The following IRAK4 variants were observed in gnomAD, a reference collection of about 807,000 sequenced individuals.
The protein encoded by IRAK4 is interleukin-1 receptor-associated kinase 4.
In IRAK4, 44 loss-of-function variants were observed where a neutral mutation model predicts 51.8. The observed-to-expected ratio is 0.85, with a 90% CI of 0.67 to 1.09. The LOEUF is 1.09. Ranked by LOEUF, IRAK4 falls within the 50% of genes least tolerant of loss-of-function variation. The pLI is 0.00. For synonymous variants in IRAK4, 149 were observed against 174.1 expected, an observed-to-expected ratio of 0.86 and a Z score of 1.13; for missense variants, 487 against 538.0, an observed-to-expected ratio of 0.91 and a Z score of 0.94.
Position 43,777,617 on chromosome 12 carries a change from T to C in IRAK4, c.717-13T>C. Reference sequence around the variant, plus strand: ...TATTATAATAATTTTGCATGAAAAATTATTTGTCACAGGTGTCAACATGAA... The same window carrying C: ...TATTATAATAATTTTGCATGAAAAACTATTTGTCACAGGTGTCAACATGAA... On this transcript the variant is annotated splice_polypyrimidine_tract_variant and intron_variant, in intron 6 of 11. Transcript: ENST00000613694. The C allele has an allele frequency of 6.3e-7, 1 of 1,593,390 alleles. No homozygotes were observed. The highest frequency in any genetic ancestry group is 8.6e-7 in the Non-Finnish European group (1 of 1,169,090).
chr12:43,762,155 CT>C (rs1384582657), intron 1 of IRAK4, among the ~76,000 whole-genome samples: 1 of 152,060 alleles, frequency 6.6e-6, no homozygotes, highest in Non-Finnish European at 1.5e-5. Flanking sequence ...GGCTTATGTT[CT>C]TGTAAGTATG....
intron 2 of IRAK4, among the ~76,000 whole-genome samples, chr12:43,768,884 T>A (rs1169286212): frequency 1.3e-5 from 2 of 152,246 alleles, no homozygotes; most frequent in Non-Finnish European, 2.9e-5. Context: ...TTAAAACCTA[T>A]GTCAAAATGT....
Position 43,778,278 on chromosome 12 carries a change from A to G in IRAK4, c.917A>G (p.His306Arg), listed in dbSNP as rs778846957. The change falls in exon 8 of 12, where the codon CAT (histidine) becomes CGT (arginine). Residue 306 changes from histidine (H) to arginine (R), a missense_variant. Coordinates refer to ENST00000613694, the MANE Select transcript of IRAK4 (RefSeq NM_016123.4). ...ANGINFLHEN[H>R]HIHRDIKSAN... is the part of the protein sequence containing the mutation. ...GGCATCAATTTTCTACATGAAAATC[A>G]TCATATTCATAGAGATATTAAAAGG... The G allele has an allele frequency of 6.3e-7, 1 of 1,592,088 alleles. No individual in the cohort carries two copies. The highest frequency in any genetic ancestry group is 1.3e-5 in the African/African-American group (1 of 74,566).
chr12:43,786,583 A>G, intron 11 of IRAK4, 26 bp downstream of exon 11: 1 of 1,610,996 alleles, frequency 6.2e-7, no homozygotes, highest in Non-Finnish European at 8.5e-7. Flanking sequence ...ACTTATTTAA[A>G]AAGTGAAAGG....
intron 1 of IRAK4, among the ~76,000 whole-genome samples, chr12:43,765,550 A>G (rs985719525): frequency 1.3e-5 from 2 of 151,862 alleles, no homozygotes; most frequent in Admixed American, 1.3e-4. Flanking sequence ...AAACTGTCTT[A>G]TTCTTCTCAG....
At chr12:43,775,205 AC>A (rs745906990) in intron 6 of IRAK4, among the ~76,000 whole-genome samples, 2 of 152,104 alleles carry the variant, frequency 1.3e-5, no homozygotes, top group African/African-American at 2.4e-5. Context: ...AAAAGATCAA[AC>A]TTTTTTTTTC....
At position 43,786,752 on chromosome 12, in the gene IRAK4, AC is replaced by A. The variant is rs1942248030; in HGVS notation, c.*39del. The A allele has an allele frequency of 6.6e-7, 1 of 1,521,926 alleles. No homozygotes were observed. The highest frequency in any genetic ancestry group is 1.4e-5 in the African/African-American group (1 of 72,748). The allele number at this position is 1,521,926 out of a possible 1,614,324, so 94.3% of individuals were successfully genotyped here. ...AAAAGACTCTTGACTTTTTATATAC[AC>A]CTATCTCAACCATTTTTTTAACTGA... On this transcript the variant is annotated 3_prime_UTR_variant, in exon 12 of 12. Coordinates refer to ENST00000613694, the MANE Select transcript of IRAK4 (RefSeq NM_016123.4).
At chr12:43,763,934 A>G (rs1013246037) in intron 1 of IRAK4, among the ~76,000 whole-genome samples, 1 of 151,960 alleles carries the variant, frequency 6.6e-6, no homozygotes, top group East Asian at 1.9e-4. Context: ...GTATGCTACC[A>G]TCCTGGTTTT....
chr12:43,783,776 T>G, intron 10 of IRAK4, 52 bp downstream of exon 10: 1 of 1,179,208 alleles, frequency 8.5e-7, no homozygotes, highest in Non-Finnish European at 1.3e-6. Context: ...TTTTGTAGTC[T>G]AAATTTATAT....
chr12:43,771,439 T>TA (rs1190386746), intron 3 of IRAK4, 74 bp downstream of exon 3: 2 of 1,474,286 alleles, frequency 1.4e-6, no homozygotes, highest in Admixed American at 1.7e-5. Context: ...TGTTTCTTCT[T>TA]ACTCTTCCTT....
At chr12:43,770,804 C>A (rs1940672105) in intron 2 of IRAK4, among the ~76,000 whole-genome samples, 1 of 152,024 alleles carries the variant, frequency 6.6e-6, no homozygotes. Flanking sequence ...AACTTAATAC[C>A]CATTGCAACA....
chr12:43,776,107 G>T (rs1051324523), intron 6 of IRAK4, among the ~76,000 whole-genome samples: 2 of 151,902 alleles, frequency 1.3e-5, no homozygotes, highest in Non-Finnish European at 2.9e-5. Context: ...GGATGGTTTA[G>T]ATCTGACGTC....
chr12:43,774,580 A>T (rs1257038038), intron 6 of IRAK4, among the ~76,000 whole-genome samples: 1 of 152,198 alleles, frequency 6.6e-6, no homozygotes, highest in Non-Finnish European at 1.5e-5. Context: ...GTTACGTGAA[A>T]TTTCACTATC....
chr12:43,773,900 G>T, intron 5 of IRAK4, 65 bp from the exon 6 acceptor site: 1 of 1,002,310 alleles, frequency 1.0e-6, no homozygotes, highest in South Asian at 1.3e-5. Context: ...CTGATCTCTT[G>T]ATCCCTCTGA....
rs1462616952 is a variant in IRAK4, at chr12:43,768,400, G to A, written c.161+128G>A. The A allele has an allele frequency of 4.5e-6, 3 of 661,884 alleles. No homozygotes were observed. In the African/African-American group the frequency reaches 5.5e-5, roughly 12 times the overall value. The allele number at this position is 661,884 out of a possible 1,614,324, so 41.0% of individuals were successfully genotyped here. A position where few individuals can be genotyped will look rare whatever the true frequency, so the allele number is the denominator to read the frequency against. On this transcript the variant is annotated intron_variant, in intron 2 of 11. Transcript: ENST00000613694. Reference sequence around the variant, plus strand: ...CTCCACTATGGAGGAGACATTGGTAGTAGGTAACCTCTTTTTGATTGTTCC... The same window carrying A: ...CTCCACTATGGAGGAGACATTGGTAATAGGTAACCTCTTTTTGATTGTTCC...
At chr12:43,772,388 A>G in intron 4 of IRAK4, 26 bp downstream of exon 4, 1 of 1,591,950 alleles carries the variant, frequency 6.3e-7, no homozygotes, top group Non-Finnish European at 8.6e-7. Flanking sequence ...AGTGCTTTCC[A>G]CTAGGGATTT....
At chr12:43,783,231 GATTA>G (rs1348565768) in intron 9 of IRAK4, among the ~76,000 whole-genome samples, 1 of 151,906 alleles carries the variant, frequency 6.6e-6, no homozygotes, top group Non-Finnish European at 1.5e-5. Context: ...TGTATAGAAT[GATTA>G]ATCAAATTTT....
intron 10 of IRAK4, among the ~76,000 whole-genome samples, chr12:43,784,281 G>A (rs190011555): frequency 2.2e-4 from 34 of 152,216 alleles, no homozygotes; most frequent in African/African-American, 7.0e-4. Context: ...GACCAAATGC[G>A]ACTGGGAAGG....
At chr12:43,784,835 G>A (rs1942072557) in intron 10 of IRAK4, among the ~76,000 whole-genome samples, 2 of 152,162 alleles carry the variant, frequency 1.3e-5, no homozygotes, top group South Asian at 4.1e-4. Flanking sequence ...TTAAAAAAGT[G>A]ATCATCTGAA....
Sources: gnomAD v4.1 joint callset for allele counts (sites outside exome capture counted in the v4.1 genomes callset) on GRCh38, gnomAD v4.1.1 for gene constraint, MANE v1.5 for transcripts, NCBI Gene and HGNC (gene_info 2026-07-23, HGNC 2026-07-21) for gene names.